Variants in GK5 observed in about 807,000 individuals in gnomAD.
GK5 encodes the protein glycerol kinase 5, also known as ATP:glycerol 3-phosphotransferase 5.
Under a neutral mutation model 77.3 loss-of-function variants are expected in GK5, and 39 were observed. The ratio of observed to expected loss-of-function variants is 0.50; its 90% CI spans 0.39 to 0.66. GK5 has a LOEUF of 0.66. Among genes scored for constraint, GK5 ranks in the 30% least tolerant of loss-of-function variants. The probability of loss-of-function intolerance (pLI) is 0.00; values close to 1 mark genes in which losing one functional copy is unlikely to be tolerated. For missense variants in GK5, 487 were observed against 633.8 expected (o/e 0.77, Z 2.49); for synonymous variants, 211 against 208.0 (o/e 1.01, Z -0.13).
intron 9 of GK5, chr3:142,185,721 G>A: frequency 6.6e-7 from 1 of 1,516,438 alleles, no homozygotes; most frequent in Non-Finnish European, 8.8e-7. Context: ...GTACTTCCAT[G>A]ATAGAATACT....
chr3:142,173,647 G>A (rs534127797), intron 12 of GK5, among the ~76,000 whole-genome samples: 9 of 152,214 alleles, frequency 5.9e-5, no homozygotes, highest in South Asian at 2.1e-4. Context: ...TGGCGCCACT[G>A]CACTCTAGCC....
chr3:142,211,021 G>A (rs1209090401), intron 3 of GK5, among the ~76,000 whole-genome samples: 1 of 152,222 alleles, frequency 6.6e-6, no homozygotes, highest in Admixed American at 6.5e-5. Context: ...GGTGGGAGCA[G>A]GGACCCGCAG....
At chr3:142,170,050 ACTGT>A in intron 15 of GK5, 1 of 491,870 alleles carries the variant, frequency 2.0e-6, no homozygotes, top group Non-Finnish European at 3.7e-6. Context: ...TTACCCAGAG[ACTGT>A]CTGTTGCTAG....
intron 4 of GK5, among the ~76,000 whole-genome samples, chr3:142,202,092 G>C (rs1228055621): frequency 1.3e-5 from 2 of 152,108 alleles, no homozygotes; most frequent in Non-Finnish European, 2.9e-5. Context: ...AGTGCTACAA[G>C]AACAAAAACA....
chr3:142,166,422 T>A (rs931146856), intron 15 of GK5, among the ~76,000 whole-genome samples: 37 of 152,236 alleles, frequency 2.4e-4, no homozygotes, highest in African/African-American at 8.9e-4. Context: ...AGTTTCTCTT[T>A]CAAACTATAG....
At chr3:142,203,970 T>C (rs2064066234) in intron 4 of GK5, among the ~76,000 whole-genome samples, 1 of 152,120 alleles carries the variant, frequency 6.6e-6, no homozygotes, top group Admixed American at 6.5e-5. Context: ...ATTGTCACTG[T>C]CACCATCATC....
chr3:142,166,374 G>T (rs1169403765), intron 15 of GK5, among the ~76,000 whole-genome samples: 1 of 152,084 alleles, frequency 6.6e-6, no homozygotes, highest in Non-Finnish European at 1.5e-5. Context: ...CAACTTTCTG[G>T]AATATGCATA....
At chr3:142,208,280 T>C (rs2064140215) in intron 3 of GK5, among the ~76,000 whole-genome samples, 1 of 152,228 alleles carries the variant, frequency 6.6e-6, no homozygotes, top group Non-Finnish European at 1.5e-5. Context: ...AAAAAATAAA[T>C]GTCCTTTGAT....
At chr3:142,170,968 C>CA (rs2063528670) in intron 14 of GK5, among the ~76,000 whole-genome samples, 2 of 152,252 alleles carry the variant, frequency 1.3e-5, no homozygotes, top group East Asian at 3.9e-4. Flanking sequence ...TTGGCTCACA[C>CA]CTGTAATCCC....
intron 9 of GK5, chr3:142,184,769 G>A (rs2063745669): frequency 2.9e-6 from 2 of 685,186 alleles, no homozygotes; most frequent in Non-Finnish European, 3.6e-6. Context: ...CCGAGAGGCG[G>A]AGGTCACAGT....
chr3:142,198,721 CTTTAA>C, intron 5 of GK5, 76 bp downstream of exon 5: 1 of 1,208,860 alleles, frequency 8.3e-7, no homozygotes, highest in Non-Finnish European at 1.1e-6. Context: ...ATCTTTATTC[CTTTAA>C]TTTTTTCTTC....
intron 5 of GK5, among the ~76,000 whole-genome samples, chr3:142,191,936 T>C (rs1381671810): frequency 6.6e-6 from 1 of 152,130 alleles, no homozygotes; most frequent in Non-Finnish European, 1.5e-5. Flanking sequence ...GTTTTGAGGC[T>C]ATAATGAGCC....
intron 7 of GK5, 45 bp from the exon 8 acceptor site, chr3:142,186,312 T>A: frequency 8.1e-7 from 1 of 1,238,096 alleles, no homozygotes; most frequent in Non-Finnish European, 1.2e-6. Flanking sequence ...TTTACATATA[T>A]CAAACCTCTA....
At chr3:142,172,971 G>A (rs2063558484) in intron 12 of GK5, 1 of 213,198 alleles carries the variant, frequency 4.7e-6, no homozygotes, top group Admixed American at 4.9e-5. Flanking sequence ...GGGAGGCCAA[G>A]GAGGGAGGAT....
At chr3:142,202,744 G>C (rs891320445) in intron 4 of GK5, among the ~76,000 whole-genome samples, 19 of 152,120 alleles carry the variant, frequency 1.2e-4, no homozygotes, top group South Asian at 2.1e-4. Context: ...ATCACGTGAG[G>C]CTAGGAGTTC....
intron 5 of GK5, among the ~76,000 whole-genome samples, chr3:142,191,404 A>T (rs1452545817): frequency 1.3e-5 from 2 of 149,916 alleles, no homozygotes; most frequent in African/African-American, 5.0e-5. Context: ...TCTACACATT[A>T]AAAAAAAACT....
At chr3:142,204,464 C>T (rs2064072739) in intron 4 of GK5, 2 of 565,682 alleles carry the variant, frequency 3.5e-6, no homozygotes, top group Admixed American at 2.8e-5. Flanking sequence ...TTCTCACTAA[C>T]ATGTGAAACT....
chr3:142,220,219 G>C (rs979043471), intron 1 of GK5, among the ~76,000 whole-genome samples: 1 of 152,100 alleles, frequency 6.6e-6, no homozygotes, highest in Admixed American at 6.5e-5. Context: ...CTCACTGCAA[G>C]CTCCACCTCC....
chr3:142,181,972 A>G (rs1022864204), intron 10 of GK5, among the ~76,000 whole-genome samples: 2 of 152,232 alleles, frequency 1.3e-5, no homozygotes, highest in Non-Finnish European at 2.9e-5. Context: ...CTAGAGAACT[A>G]TGCTATTGTA....
Sources: gnomAD v4.1 joint callset for allele counts (sites outside exome capture counted in the v4.1 genomes callset) on GRCh38, gnomAD v4.1.1 for gene constraint, MANE v1.5 for transcripts, NCBI Gene and HGNC (gene_info 2026-07-23, HGNC 2026-07-21) for gene names.